Variants in PAQR3 observed in about 807,000 individuals in gnomAD.
The protein encoded by PAQR3 is progestin and adipoQ receptor family member 3.
PAQR3 carries 39 observed loss-of-function variants against 41.7 expected under a neutral mutation model. The ratio of observed to expected loss-of-function variants is 0.93; its 90% CI spans 0.72 to 1.22. PAQR3 has a LOEUF of 1.22. PAQR3 is among the 50% of genes most tolerant of loss of function. The pLI is 0.00. For synonymous variants in PAQR3, 140 were observed against 140.6 expected (o/e 1.00, Z 0.03); for missense variants, 366 against 385.6 (o/e 0.95, Z 0.42).
downstream of PAQR3, chr4:78,910,906 C>G (rs749102740): frequency 6.2e-7 from 1 of 1,613,892 alleles, no homozygotes; most frequent in South Asian, 1.1e-5. Flanking sequence ...TCATAGGCCT[C>G]TCCTCATGGA....
chr4:78,910,872 T>A (rs757281025), downstream of PAQR3: 1 of 1,613,958 alleles, frequency 6.2e-7, no homozygotes. Flanking sequence ...TTAATGATGA[T>A]GATACTGAAC....
At position 78,919,164 on chromosome 4, in the gene PAQR3, A is replaced by G. The variant is rs745823367; in HGVS notation, c.*1375T>C. 2.1e-4 allele frequency: 209 copies of G among 985,024 alleles called. No individual in the cohort carries two copies. The highest frequency in any genetic ancestry group is 2.4e-4 in the Non-Finnish European group (202 of 829,770). 61.0% of individuals were successfully genotyped at this position (985,024 alleles called of 1,614,324 possible). The stretch of plus-strand genomic sequence containing the variant: ...GACTTTCCAAGTATCATATGCACAA[A>G]AGGCATTTTGGGAATAAGCTTCATC... On this transcript the variant is annotated 3_prime_UTR_variant, in exon 6 of 6. Transcript: ENST00000512733.
Position 78,930,264 on chromosome 4 carries a change from C to T in PAQR3, c.410G>A (p.Cys137Tyr), listed in dbSNP as rs1736707845. Residue 137 changes from cysteine to tyrosine, a missense_variant, in exon 3 of 6, where the codon TGT becomes TAT. Physicochemically the swap from Cys to Tyr is radical, Grantham distance 194. Coordinates refer to ENST00000512733, the MANE Select transcript of PAQR3 (RefSeq NM_001040202.2). Reference sequence around the variant, plus strand: ...ATAATCTAATGCCATCCATCTTCGACATGTTTTTTCTGACCGATGGCAGGA... The same window carrying T: ...ATAATCTAATGCCATCCATCTTCGATATGTTTTTTCTGACCGATGGCAGGA... ...LFSCHRSEKTCRRWMALDYAG... is the reference protein window; with the variant it reads ...LFSCHRSEKTYRRWMALDYAG... 1 of 1,613,808 alleles carries T rather than the reference C, an allele frequency of 6.2e-7. No homozygotes were observed. The highest frequency in any genetic ancestry group is 8.5e-7 in the Non-Finnish European group (1 of 1,179,820).
chr4:78,928,705 A>C (rs1030399909), intron 3 of PAQR3, among the ~76,000 whole-genome samples: 3 of 152,236 alleles, frequency 2.0e-5, no homozygotes, highest in Non-Finnish European at 2.9e-5. Flanking sequence ...CAATTTTTCC[A>C]TGGATCATGG....
Position 78,938,984 on chromosome 4 carries a change from A to C in PAQR3, c.185+56T>G, listed in dbSNP as rs1041483509. The C allele has an allele frequency of 4.8e-6, 7 of 1,466,400 alleles. No homozygotes were observed. In the African/African-American group the frequency reaches 1.0e-4, roughly 21 times the overall value. The allele number at this position is 1,466,400 out of a possible 1,614,324, so 90.8% of individuals were successfully genotyped here. A position where few individuals can be genotyped will look rare whatever the true frequency, so the allele number is the denominator to read the frequency against. On this transcript the variant is annotated intron_variant, in intron 1 of 5. Coordinates refer to ENST00000512733, the MANE Select transcript of PAQR3 (RefSeq NM_001040202.2). ...GGGGAAAGCAGAAGGGGGACCAGACAAAAAGGGTGTAGGTGAGAGAAGGGG... is the reference window on the plus strand; with the variant it reads ...GGGGAAAGCAGAAGGGGGACCAGACCAAAAGGGTGTAGGTGAGAGAAGGGG...
rs1423415097 is a variant in PAQR3 at position 78,912,163 on chromosome 4, T to C, written c.*8376A>G. On this transcript the variant is annotated 3_prime_UTR_variant, in exon 6 of 6. Coordinates refer to ENST00000512733, the MANE Select transcript of PAQR3 (RefSeq NM_001040202.2). ...AAGATCAGTCAGAATAGGTGATTTC[T>C]AAATAAACCAAATAGAAGAATGAAG... 34 of 822,044 alleles carry C rather than the reference T, an allele frequency of 4.1e-5. 1 individual carries two copies. Among genetic ancestry groups the C allele is most frequent in the Non-Finnish European group, 7.8e-6 (4 of 514,592 alleles). The allele number at this position is 822,044 out of a possible 1,614,324, so 50.9% of individuals were successfully genotyped here.
chr4:78,934,594 A>G (rs988637322), intron 2 of PAQR3, among the ~76,000 whole-genome samples: 3 of 152,222 alleles, frequency 2.0e-5, no homozygotes, highest in African/African-American at 7.2e-5. Context: ...CTATGGAACT[A>G]ACAAATACAG....
intron 2 of PAQR3, among the ~76,000 whole-genome samples, chr4:78,932,900 G>A (rs1004547865): frequency 2.6e-5 from 4 of 152,082 alleles, no homozygotes; most frequent in African/African-American, 9.7e-5. Flanking sequence ...AGTTATAATG[G>A]AAAGTTTCCT....
At chr4:78,935,095 A>T in intron 2 of PAQR3, 26 bp downstream of exon 2, 1 of 1,607,688 alleles carries the variant, frequency 6.2e-7, no homozygotes, top group East Asian at 2.2e-5. Flanking sequence ...CTCTTTACCA[A>T]CAGCAGTATT....
rs931066725 is a variant in PAQR3 at position 78,939,043 on chromosome 4, T to C, written c.182A>G (p.Lys61Arg). The C allele has an allele frequency of 6.9e-6, 11 of 1,601,654 alleles. No individual in the cohort carries two copies. The highest frequency in any genetic ancestry group is 1.3e-5 in the African/African-American group (1 of 74,406). Reference protein sequence around the residue: ...RAYLPSRLCIKSLFILSNETV... With the variant: ...RAYLPSRLCIRSLFILSNETV... The stretch of plus-strand genomic sequence containing the variant: ...GGCGGAGGCAGCCAGACCGTACCTT[T>C]TGATACACAGCCTGGACGGCAGGTA... The change falls in exon 1 of 6, where the codon AAA becomes AGA. Residue 61 changes from lysine (K) to arginine (R), a missense_variant. Lys to Arg is a conservative substitution (Grantham distance 26, BLOSUM62 2). Coordinates refer to ENST00000512733, the MANE Select transcript of PAQR3 (RefSeq NM_001040202.2).
chr4:78,899,329 C>T (rs1733877515), intron 11 of PAQR3, among the ~76,000 whole-genome samples: 1 of 152,028 alleles, frequency 6.6e-6, no homozygotes, highest in South Asian at 2.1e-4. Context: ...TGGTGAAGTT[C>T]TTTTCTGGAA....
rs1236761054 is a variant in PAQR3, at chr4:78,913,382, A to C, written c.*7157T>G. ...TAATTAGAAACTTGAGGTTTTATAG[A>C]AATCATTTAATGATAGAGATTACAT... On this transcript the variant is annotated 3_prime_UTR_variant, in exon 6 of 6. Coordinates refer to ENST00000512733, the MANE Select transcript of PAQR3 (RefSeq NM_001040202.2). 6.6e-6 allele frequency: 1 copy of C among 152,184 alleles called. No homozygotes were observed. Among genetic ancestry groups the C allele is most frequent in the African/African-American group, 2.4e-5 (1 of 41,462 alleles). The allele number at this position is 152,184 out of a possible 1,614,324, so 9.4% of individuals were successfully genotyped here.
chr4:78,887,993 C>G (rs553311107), intron 12 of PAQR3: 1 of 152,196 alleles, frequency 6.6e-6, no homozygotes, highest in Non-Finnish European at 1.5e-5. Flanking sequence ...TTTTGTTTCT[C>G]ACTCAGGCAA....
At chr4:78,907,983 C>T (rs1259671487), downstream of PAQR3, among the ~76,000 whole-genome samples, 12 of 152,068 alleles carry the variant, frequency 7.9e-5, no homozygotes, top group African/African-American at 2.9e-4. Context: ...CCCTTCTTCC[C>T]ATATTTTGCT....
rs764428298 is a variant in PAQR3 at position 78,915,177 on chromosome 4, G to A, written c.*5362C>T. 1.3e-5 allele frequency: 2 copies of A among 151,852 alleles called. No homozygotes were observed. Among genetic ancestry groups the A allele is most frequent in the Non-Finnish European group, 2.9e-5 (2 of 67,862 alleles). 9.4% of individuals were successfully genotyped at this position (151,852 alleles called of 1,614,324 possible). ...GTTGGGTATAGTTACGACATTATCC[G>A]GATTTGCAAATAGACACAACTTTCA... On this transcript the variant is annotated 3_prime_UTR_variant, in exon 6 of 6. Coordinates refer to ENST00000512733, the MANE Select transcript of PAQR3 (RefSeq NM_001040202.2).
Position 78,917,100 on chromosome 4 carries a change from T to A in PAQR3, c.*3439A>T, listed in dbSNP as rs1457726069. The A allele has an allele frequency of 2.6e-5, 4 of 152,018 alleles. No individual in the cohort carries two copies. Among genetic ancestry groups the A allele is most frequent in the South Asian group, 2.1e-4 (1 of 4,832 alleles). 9.4% of individuals were successfully genotyped at this position (152,018 alleles called of 1,614,324 possible). Reference sequence around the variant, plus strand: ...AGTTTGCAGTGTATTACTGTTCAAATTCAGTTATAGTTACTTGAGATGAAT... The same window carrying A: ...AGTTTGCAGTGTATTACTGTTCAAAATCAGTTATAGTTACTTGAGATGAAT... On this transcript the variant is annotated 3_prime_UTR_variant, in exon 6 of 6. Coordinates refer to ENST00000512733, the MANE Select transcript of PAQR3 (RefSeq NM_001040202.2).
chr4:78,935,169 C>T lies in PAQR3; in HGVS notation c.300G>A (p.Ala100=), dbSNP rs190190715. Residue 100 remains alanine, a synonymous_variant, in exon 2 of 6, where the codon GCG becomes GCA. Transcript: ENST00000512733. ...AACAAATTACAAAATCTTCTCTGGA[C>T]GCACTTGCTGAAGGTAACACAGATG... The part of the protein sequence containing the change: ...DMTSVLPSAS[A]SREDFVICSI... 91 of 1,613,750 alleles carry T rather than the reference C, an allele frequency of 5.6e-5. No individual in the cohort carries two copies. In the East Asian group the frequency reaches 8.0e-4, roughly 14 times the overall value.
chr4:78,922,595 T>C (rs1735766451), intron 5 of PAQR3, among the ~76,000 whole-genome samples: 2 of 151,966 alleles, frequency 1.3e-5, no homozygotes, highest in African/African-American at 4.8e-5. Context: ...AAACCACATA[T>C]TTCACTTATA....
chr4:78,914,354 ACTTT>A lies in PAQR3; in HGVS notation c.*6181_*6184del, dbSNP rs931320164. 3 of 152,098 alleles carry A rather than the reference ACTTT, an allele frequency of 2.0e-5. No homozygotes were observed. Among genetic ancestry groups the A allele is most frequent in the African/African-American group, 7.2e-5 (3 of 41,440 alleles). 9.4% of individuals were successfully genotyped at this position (152,098 alleles called of 1,614,324 possible). A position where few individuals can be genotyped will look rare whatever the true frequency, so the allele number is the denominator to read the frequency against. ...TACATTCTTATAACACAGCACAGTGACTTTCTTCTTTCAAGATTGTAGCTCAGAG... is the reference window on the plus strand; with the variant it reads ...TACATTCTTATAACACAGCACAGTGACTTCTTTCAAGATTGTAGCTCAGAG... On this transcript the variant is annotated 3_prime_UTR_variant, in exon 6 of 6. Transcript: ENST00000512733.
Sources: allele counts gnomAD v4.1 joint callset (sites outside exome capture counted in the v4.1 genomes callset), GRCh38; gene constraint gnomAD v4.1.1; transcripts MANE v1.5; gene names NCBI Gene and HGNC (gene_info 2026-07-23, HGNC 2026-07-21).